The following TRIO variants were observed in gnomAD, a reference collection of about 807,000 sequenced individuals.
The protein encoded by TRIO is triple functional domain protein.
TRIO carries 58 observed loss-of-function variants against 351.9 expected under a neutral mutation model. That is an observed-to-expected ratio of 0.16 (90% CI 0.13 to 0.21). TRIO has a LOEUF of 0.21. Among genes scored for constraint, TRIO ranks in the 10% least tolerant of loss-of-function variants. TRIO has a pLI of 1.00. For synonymous variants in TRIO, 1,758 were observed against 1,595.7 expected (o/e 1.10, Z -2.42); for missense variants, 3,201 against 4,027.8 (o/e 0.79, Z 5.56).
chr5:14,396,443 CTTTTTTTTTTTTTTTTTTTTTTTTTT>C lies in TRIO; in HGVS notation c.4312-581_4312-556del, dbSNP rs1173121592. On this transcript the variant is annotated intron_variant, in intron 28 of 56. Coordinates refer to ENST00000344204, the MANE Select transcript of TRIO (RefSeq NM_007118.4). ...ATAATAATTAAATATTTCTATTTATCTTTTTTTTTTTTTTTTTTTTTTTTTTTTTTTTTTTTTTTTTTTTGAGACAG... is the reference window on the plus strand; with the variant it reads ...ATAATAATTAAATATTTCTATTTATCTTTTTTTTTTTTTTTTTTGAGACAG... Among the ~76,000 whole-genome samples, 56 of 41,562 alleles carry C rather than the reference CTTTTTTTTTTTTTTTTTTTTTTTTTT, an allele frequency of 1.3e-3. No homozygotes were observed. The East Asian group carries it at 0.027, about 20-fold the overall frequency. 27.3% of individuals were successfully genotyped at this position (41,562 alleles called of 152,430 possible). A position where few individuals can be genotyped will look rare whatever the true frequency, so the allele number is the denominator to read the frequency against.
chr5:14,275,022 C>G (rs1184085057), intron 2 of TRIO, among the ~76,000 whole-genome samples: 1 of 152,098 alleles, frequency 6.6e-6, no homozygotes, highest in Non-Finnish European at 1.5e-5. Context: ...TTTTGTGTCT[C>G]TTTAGTGGAC....
intron 1 of TRIO, among the ~76,000 whole-genome samples, chr5:14,230,682 C>T (rs542963347): frequency 1.3e-5 from 2 of 152,228 alleles, no homozygotes; most frequent in South Asian, 2.1e-4. Flanking sequence ...TCCCCTAATA[C>T]GGCCCCATTT....
chr5:14,275,602 C>A (rs1314994854), intron 2 of TRIO, among the ~76,000 whole-genome samples: 1 of 150,786 alleles, frequency 6.6e-6, no homozygotes, highest in Non-Finnish European at 1.5e-5. Flanking sequence ...TTGGTTTAAT[C>A]CTTCTGCTTT....
intron 8 of TRIO, among the ~76,000 whole-genome samples, chr5:14,311,199 CAT>C (rs1392824618): frequency 1.3e-5 from 2 of 152,228 alleles, no homozygotes; most frequent in Non-Finnish European, 2.9e-5. Context: ...ATGGAACACA[CAT>C]GTCAGGCATA....
chr5:14,375,951 T>TG (rs1745522852), intron 19 of TRIO, among the ~76,000 whole-genome samples: 1 of 152,174 alleles, frequency 6.6e-6, no homozygotes, highest in South Asian at 2.1e-4. Context: ...CACTGGTCCC[T>TG]GGGGGATAGT....
At chr5:14,153,390 A>G (rs1048967285) in intron 1 of TRIO, among the ~76,000 whole-genome samples, 8 of 152,216 alleles carry the variant, frequency 5.3e-5, no homozygotes, top group Non-Finnish European at 1.0e-4. Context: ...CCTGCTTGCA[A>G]TGTCATAGGA....
chr5:14,336,849 G>T (rs1741463045), intron 11 of TRIO, 122 bp downstream of exon 11: 2 of 1,019,578 alleles, frequency 2.0e-6, no homozygotes, highest in Non-Finnish European at 1.5e-6. Context: ...GTAAGATGTA[G>T]CCCATTAGTG....
intron 40 of TRIO, among the ~76,000 whole-genome samples, chr5:14,476,531 C>T (rs1413228582): frequency 6.6e-6 from 1 of 152,214 alleles, no homozygotes; most frequent in Non-Finnish European, 1.5e-5. Context: ...GTGGCTCACG[C>T]CTGTAATCCC....
chr5:14,166,843 G>A (rs989051383), intron 1 of TRIO, among the ~76,000 whole-genome samples: 1 of 152,194 alleles, frequency 6.6e-6, no homozygotes, highest in South Asian at 2.1e-4. Context: ...TACGGATGAG[G>A]TGTGCGTGTC....
intron 52 of TRIO, 90 bp from the exon 53 acceptor site, chr5:14,498,429 G>C (rs533663622): frequency 3.8e-5 from 59 of 1,536,188 alleles, no homozygotes; most frequent in Non-Finnish European, 4.8e-5. Flanking sequence ...TTGAGCTCCT[G>C]CCTTCCCTTG....
rs1757901298 is a variant in TRIO at position 14,508,875 on chromosome 5, T to C, written c.*453T>C. 6.0e-6 allele frequency: 1 copy of C among 167,102 alleles called. No homozygotes were observed. The highest frequency in any genetic ancestry group is 1.3e-5 in the Non-Finnish European group (1 of 77,198). 10.4% of individuals were successfully genotyped at this position (167,102 alleles called of 1,614,324 possible). ...GCCTTGTCTAGGACTCAGAGACCAC[T>C]CGGCTCTGAGCTTCCAGGCGCCTCG... On this transcript the variant is annotated 3_prime_UTR_variant, in exon 57 of 57. Transcript: ENST00000344204.
At chr5:14,426,689 C>A (rs376848794) in intron 34 of TRIO, among the ~76,000 whole-genome samples, 8 of 152,110 alleles carry the variant, frequency 5.3e-5, no homozygotes, top group Admixed American at 4.6e-4. Context: ...CGCAGATGGC[C>A]GGCACTGAGA....
intron 33 of TRIO, among the ~76,000 whole-genome samples, chr5:14,407,882 G>A (rs1305287561): frequency 6.6e-6 from 1 of 152,188 alleles, no homozygotes; most frequent in East Asian, 1.9e-4. Flanking sequence ...CAAGACTAGT[G>A]TGTTCTGTTA....
intron 2 of TRIO, among the ~76,000 whole-genome samples, chr5:14,277,282 G>A (rs1201585249): frequency 6.6e-6 from 1 of 152,142 alleles, no homozygotes; most frequent in African/African-American, 2.4e-5. Flanking sequence ...AGAGGATGCA[G>A]GTTTATGTGA....
At chr5:14,382,972 A>G (rs576104381) in intron 21 of TRIO, among the ~76,000 whole-genome samples, 15 of 152,184 alleles carry the variant, frequency 9.9e-5, no homozygotes, top group African/African-American at 3.6e-4. Context: ...TGTGTTAGAC[A>G]TGGGAACTTG....
At chr5:14,249,161 A>G (rs1794604774) in intron 1 of TRIO, among the ~76,000 whole-genome samples, 1 of 152,230 alleles carries the variant, frequency 6.6e-6, no homozygotes, top group Non-Finnish European at 1.5e-5. Flanking sequence ...TATGAAGGAA[A>G]ACAGTGGAAA....
intron 1 of TRIO, among the ~76,000 whole-genome samples, chr5:14,240,952 A>G (rs557499009): frequency 1.1e-4 from 16 of 152,326 alleles, no homozygotes; most frequent in Admixed American, 2.0e-4. Flanking sequence ...GAATCGTGAA[A>G]TAAGTTTTTA....
At chr5:14,152,147 CATT>C (rs1787878049) in intron 1 of TRIO, among the ~76,000 whole-genome samples, 2 of 152,146 alleles carry the variant, frequency 1.3e-5, no homozygotes, top group African/African-American at 4.8e-5. Context: ...ATAAATCCCT[CATT>C]AGTCTAATAG....
At chr5:14,280,572 C>T in intron 3 of TRIO, 136 bp downstream of exon 3, 1 of 744,386 alleles carries the variant, frequency 1.3e-6, no homozygotes, top group Non-Finnish European at 2.2e-6. Context: ...TTATCTTTCA[C>T]CTTATTACCA....
Sources: gnomAD v4.1 joint callset for allele counts (sites outside exome capture counted in the v4.1 genomes callset) on GRCh38, gnomAD v4.1.1 for gene constraint, MANE v1.5 for transcripts, NCBI Gene and HGNC (gene_info 2026-07-23, HGNC 2026-07-21) for gene names.